ASAP1: variants seen among roughly 807,000 people sequenced by gnomAD.
The protein encoded by ASAP1 is ArfGAP with SH3 domain, ankyrin repeat and PH domain 1, also known as arf-GAP with SH3 domain, ANK repeat and PH domain-containing protein 1.
Under a neutral mutation model 145.2 loss-of-function variants are expected in ASAP1, and 43 were observed. The ratio of observed to expected loss-of-function variants is 0.30; its 90% CI spans 0.23 to 0.38. The LOEUF is 0.38. Ranked by LOEUF, ASAP1 falls within the 10% of genes least tolerant of loss-of-function variation. The probability of loss-of-function intolerance (pLI) is 1.00; values close to 1 mark genes in which losing one functional copy is unlikely to be tolerated. For missense variants in ASAP1, 1,018 were observed against 1,355.3 expected (o/e 0.75, Z 3.91); for synonymous variants, 546 against 515.5 (o/e 1.06, Z -0.80).
At chr8:130,203,322 T>C (rs1046745772) in intron 5 of ASAP1, among the ~76,000 whole-genome samples, 1 of 152,222 alleles carries the variant, frequency 6.6e-6, no homozygotes, top group African/African-American at 2.4e-5. Context: ...TGTACGGCTG[T>C]GCAGGGTGTA....
At chr8:130,266,624 A>G (rs1199655086) in intron 3 of ASAP1, among the ~76,000 whole-genome samples, 1 of 152,112 alleles carries the variant, frequency 6.6e-6, no homozygotes, top group Non-Finnish European at 1.5e-5. Flanking sequence ...AAAAACATGA[A>G]AGAATACAAT....
At chr8:130,401,035 C>T (rs990553059) in intron 2 of ASAP1, among the ~76,000 whole-genome samples, 1 of 151,686 alleles carries the variant, frequency 6.6e-6, no homozygotes, top group African/African-American at 2.4e-5. Context: ...CGCCTGCCAC[C>T]ACACCCGGCT....
At chr8:130,211,813 A>G (rs1294883669) in intron 5 of ASAP1, among the ~76,000 whole-genome samples, 4 of 152,250 alleles carry the variant, frequency 2.6e-5, no homozygotes, top group Admixed American at 6.5e-5. Context: ...CAAAGTCTAT[A>G]AAGTACCAAA....
chr8:130,350,239 C>T (rs1401962862), intron 3 of ASAP1, among the ~76,000 whole-genome samples: 1 of 152,202 alleles, frequency 6.6e-6, no homozygotes, highest in Non-Finnish European at 1.5e-5. Flanking sequence ...TGGAGTGGTA[C>T]TGGGGAGGAC....
At position 130,337,729 on chromosome 8, in the gene ASAP1, A is replaced by G. The variant is rs184313680; in HGVS notation, c.186+20288T>C. ...TTTTCATGCATTTCTTTCCATTTTTATAAGTCTTTTACTTTCCTCTCCTCT... is the reference window on the plus strand; with the variant it reads ...TTTTCATGCATTTCTTTCCATTTTTGTAAGTCTTTTACTTTCCTCTCCTCT... On this transcript the variant is annotated intron_variant, in intron 3 of 29. Coordinates refer to ENST00000518721, the MANE Select transcript of ASAP1 (RefSeq NM_018482.4). Among the ~76,000 whole-genome samples, 9 of 152,298 alleles carry G rather than the reference A, an allele frequency of 5.9e-5. No homozygotes were observed. In the East Asian group the frequency reaches 1.7e-3, roughly 29 times the overall value.
At chr8:130,159,436 C>T (rs1227377925) in intron 12 of ASAP1, among the ~76,000 whole-genome samples, 1 of 151,220 alleles carries the variant, frequency 6.6e-6, no homozygotes, top group Non-Finnish European at 1.5e-5. Flanking sequence ...ACCTGGCTAA[C>T]ATGGTGAAAT....
chr8:130,373,607 G>C (rs1231183293), intron 2 of ASAP1, among the ~76,000 whole-genome samples: 1 of 152,148 alleles, frequency 6.6e-6, no homozygotes, highest in East Asian at 1.9e-4. Context: ...CCAGCACTTT[G>C]GGAGGCCAAG....
At chr8:130,236,595 G>A (rs1337991639) in intron 4 of ASAP1, among the ~76,000 whole-genome samples, 2 of 152,064 alleles carry the variant, frequency 1.3e-5, no homozygotes, top group African/African-American at 2.4e-5. Context: ...GTGTTTAACT[G>A]AAGCCACTGA....
chr8:130,080,034 T>C, intron 25 of ASAP1, 63 bp from the exon 26 acceptor site: 1 of 1,471,980 alleles, frequency 6.8e-7, no homozygotes, highest in South Asian at 1.1e-5. Flanking sequence ...TGAGAATACA[T>C]GGGTTTGGCC....
chr8:130,389,801 A>T (rs560245148), intron 2 of ASAP1, among the ~76,000 whole-genome samples: 2 of 152,296 alleles, frequency 1.3e-5, no homozygotes, highest in East Asian at 3.9e-4. Flanking sequence ...TCCAGGCTCA[A>T]GCAATCCTTC....
chr8:130,357,287 T>A (rs1826377926), intron 3 of ASAP1, among the ~76,000 whole-genome samples: 1 of 151,956 alleles, frequency 6.6e-6, no homozygotes, highest in Admixed American at 6.5e-5. Context: ...CTTCTCCGTG[T>A]CTGGTCAGCT....
intron 3 of ASAP1, among the ~76,000 whole-genome samples, chr8:130,330,958 A>G (rs183783990): frequency 6.6e-6 from 1 of 152,306 alleles, no homozygotes; most frequent in Non-Finnish European, 1.5e-5. Context: ...GTAGCAGATG[A>G]TATGGTGTAC....
rs187880197 is a variant in ASAP1, at chr8:130,374,522, C to A, written c.60-16379G>T. Among the ~76,000 whole-genome samples the A allele has an allele frequency of 2.5e-3, 373 of 152,152 alleles. 1 individual carries two copies. Among genetic ancestry groups the A allele is most frequent in the Middle Eastern group, 6.8e-3 (2 of 294 alleles). ...CTGTAATCCCAGCACTTTGGGAGGC[C>A]GAGGCATTTAGTTAGGGTCAAGCTT... On this transcript the variant is annotated intron_variant, in intron 2 of 29. Coordinates refer to ENST00000518721, the MANE Select transcript of ASAP1 (RefSeq NM_018482.4).
chr8:130,155,133 T>C (rs115490992), intron 12 of ASAP1, among the ~76,000 whole-genome samples: 1 of 152,198 alleles, frequency 6.6e-6, no homozygotes, highest in African/African-American at 2.4e-5. Context: ...CCTCAGTTTA[T>C]CCATTTTATT....
intron 15 of ASAP1, among the ~76,000 whole-genome samples, chr8:130,129,146 GT>G (rs1335866383): frequency 1.3e-5 from 2 of 152,190 alleles, no homozygotes; most frequent in African/African-American, 4.8e-5. Context: ...AGAAAGACAT[GT>G]TTGCTGCCCT....
At chr8:130,145,803 G>A (rs1175767676) in intron 13 of ASAP1, among the ~76,000 whole-genome samples, 3 of 151,646 alleles carry the variant, frequency 2.0e-5, no homozygotes, top group South Asian at 2.1e-4. Flanking sequence ...CAGCCTTAAG[G>A]TCACAGCTGT....
chr8:130,301,433 A>G (rs2064209506), intron 3 of ASAP1, among the ~76,000 whole-genome samples: 1 of 152,212 alleles, frequency 6.6e-6, no homozygotes, highest in South Asian at 2.1e-4. Flanking sequence ...AGAATGCTCT[A>G]AAGGCATGGA....
chr8:130,425,739 C>G (rs1444126072), intron 1 of ASAP1, among the ~76,000 whole-genome samples: 2 of 152,176 alleles, frequency 1.3e-5, no homozygotes, highest in Non-Finnish European at 2.9e-5. Flanking sequence ...TTATGTCAGG[C>G]ACTGGGCTAG....
intron 2 of ASAP1, among the ~76,000 whole-genome samples, chr8:130,378,678 G>C (rs1401083998): frequency 6.6e-6 from 1 of 152,332 alleles, no homozygotes; most frequent in South Asian, 2.1e-4. Context: ...CAATGGACAC[G>C]AACAGTTTTG....
Sources: allele counts gnomAD v4.1 joint callset (sites outside exome capture counted in the v4.1 genomes callset), GRCh38; gene constraint gnomAD v4.1.1; transcripts MANE v1.5; gene names NCBI Gene and HGNC (gene_info 2026-07-23, HGNC 2026-07-21).